Variants in CEP85L observed in about 807,000 individuals in gnomAD.
The protein encoded by CEP85L is centrosomal protein 85L, also known as centrosomal protein of 85 kDa-like.
CEP85L carries 60 observed loss-of-function variants against 100.3 expected under a neutral mutation model. The ratio of observed to expected loss-of-function variants is 0.60; its 90% confidence interval spans 0.49 to 0.74. The LOEUF (loss-of-function observed/expected upper bound fraction) is 0.74. Among genes scored for constraint, CEP85L ranks in the 30% least tolerant of loss-of-function variants. CEP85L has a pLI of 0.00. For synonymous variants in CEP85L, 319 were observed against 322.7 expected (o/e 0.99, Z 0.12); for missense variants, 973 against 936.2 (o/e 1.04, Z -0.51).
At chr6:118,481,261 T>C (rs1393833251) in intron 8 of CEP85L, among the ~76,000 whole-genome samples, 1 of 151,846 alleles carries the variant, frequency 6.6e-6, no homozygotes, top group African/African-American at 2.4e-5. Flanking sequence ...TATAAAGCCA[T>C]TAGGTAAAGG....
At position 118,469,072 on chromosome 6, in the gene CEP85L, A is replaced by T; in HGVS notation, c.2254T>A (p.Ser752Thr). ...TAAGGACAAGTCATCAGACACTTAC[A>T]TCTTATTCCCAGTAATAATGAAAGA... Reference protein sequence around the residue: ...PNLSLLLGIRSMNCSAEETEN... With the variant: ...PNLSLLLGIRTMNCSAEETEN... Residue 752 changes from serine to threonine, a missense_variant and splice_region_variant, in exon 12 of 13, where the codon TCA becomes ACA. Physicochemically the swap from Ser to Thr is moderately conservative, Grantham distance 58 (BLOSUM62 1). Coordinates refer to ENST00000368491, the MANE Select transcript of CEP85L (RefSeq NM_001042475.3). The T allele has an allele frequency of 6.3e-7, 1 of 1,599,338 alleles. No homozygotes were observed. The highest frequency in any genetic ancestry group is 1.7e-5 in the Admixed American group (1 of 59,928).
intron 1 of CEP85L, among the ~76,000 whole-genome samples, chr6:118,686,642 C>T (rs1437004345): frequency 6.6e-6 from 1 of 152,142 alleles, no homozygotes; most frequent in African/African-American, 2.4e-5. Flanking sequence ...GTTATTTCCA[C>T]CTTTTGGCTA....
At chr6:118,483,561 CT>C in intron 7 of CEP85L, 144 bp downstream of exon 7, 1 of 665,722 alleles carries the variant, frequency 1.5e-6, no homozygotes, top group Non-Finnish European at 2.5e-6. Flanking sequence ...CTTATGCATG[CT>C]TAGATAAACA....
chr6:118,570,128 A>C (rs1332450937), intron 2 of CEP85L, among the ~76,000 whole-genome samples: 2 of 152,210 alleles, frequency 1.3e-5, no homozygotes, highest in Non-Finnish European at 2.9e-5. Flanking sequence ...GATCCGAAAG[A>C]ATACACACAA....
intron 3 of CEP85L, chr6:118,565,228 G>T: frequency 2.1e-5 from 7 of 337,882 alleles, no homozygotes; most frequent in African/African-American, 4.3e-5. Flanking sequence ...TAGCTTTTTT[G>T]TTTCTGTTTC....
intron 5 of CEP85L, among the ~76,000 whole-genome samples, chr6:118,498,457 A>C (rs1775061164): frequency 6.6e-6 from 1 of 152,208 alleles, no homozygotes; most frequent in Admixed American, 6.5e-5. Context: ...AAACAGATTA[A>C]TCTACTATCG....
At chr6:118,517,369 C>T (rs1214694336) in intron 4 of CEP85L, among the ~76,000 whole-genome samples, 1 of 152,168 alleles carries the variant, frequency 6.6e-6, no homozygotes, top group Non-Finnish European at 1.5e-5. Context: ...TTATCCCTAT[C>T]CATGAGCATG....
chr6:118,535,352 C>T (rs978762635), intron 3 of CEP85L, among the ~76,000 whole-genome samples: 2 of 152,132 alleles, frequency 1.3e-5, no homozygotes, highest in African/African-American at 4.8e-5. Flanking sequence ...AGAATCAGAT[C>T]AGTGGTTGCC....
intron 2 of CEP85L, among the ~76,000 whole-genome samples, chr6:118,619,206 C>A (rs1773277180): frequency 6.6e-6 from 1 of 152,046 alleles, no homozygotes; most frequent in African/African-American, 2.4e-5. Flanking sequence ...TGAGATGTAT[C>A]CTGAATAACT....
chr6:118,506,314 C>G (rs1775654299), intron 5 of CEP85L, among the ~76,000 whole-genome samples: 2 of 152,098 alleles, frequency 1.3e-5, no homozygotes, highest in South Asian at 4.2e-4. Flanking sequence ...GCTGGCGGTA[C>G]TTTAATTAGA....
intron 1 of CEP85L, among the ~76,000 whole-genome samples, chr6:118,672,986 T>A (rs115823366): frequency 2.3e-3 from 354 of 152,250 alleles, no homozygotes; most frequent in African/African-American, 8.2e-3. Flanking sequence ...TGAGGTTCAC[T>A]GCAAGAATGA....
chr6:118,499,204 T>A (rs1353259571), intron 5 of CEP85L, among the ~76,000 whole-genome samples: 3 of 152,104 alleles, frequency 2.0e-5, no homozygotes, highest in Non-Finnish European at 4.4e-5. Flanking sequence ...TCAGAAAAAG[T>A]AGAGAATATC....
intron 2 of CEP85L, among the ~76,000 whole-genome samples, chr6:118,577,107 A>T (rs1021002340): frequency 6.6e-6 from 1 of 152,188 alleles, no homozygotes; most frequent in African/African-American, 2.4e-5. Context: ...CCTGAGGGCT[A>T]TCCAACCCCG....
In CEP85L at chr6:118,689,330, AT is replaced by A. The variant is rs1260015330; in HGVS notation, c.-28+20705del. Among the ~76,000 whole-genome samples the A allele has an allele frequency of 2.0e-5, 3 of 152,290 alleles. No homozygotes were observed. The East Asian group carries it at 5.8e-4, about 29-fold the overall frequency. ...GCTGCATGTAACTTCACATACAATAATTTTTATGGTTCTTATTTGGTAAGGA... is the reference window on the plus strand; with the variant it reads ...GCTGCATGTAACTTCACATACAATAATTTTATGGTTCTTATTTGGTAAGGA... On this transcript the variant is annotated intron_variant, in intron 1 of 13. Transcript: ENST00000368488.
At chr6:118,555,834 T>A (rs1348602519) in intron 3 of CEP85L, among the ~76,000 whole-genome samples, 1 of 150,204 alleles carries the variant, frequency 6.7e-6, no homozygotes, top group Middle Eastern at 3.2e-3. Context: ...CCAGCGTCTG[T>A]TGTTTCCTTC....
intron 10 of CEP85L, among the ~76,000 whole-genome samples, chr6:118,473,352 C>G (rs753034088): frequency 4.6e-5 from 7 of 152,044 alleles, no homozygotes; most frequent in Non-Finnish European, 1.0e-4. Flanking sequence ...AAGCAAGGGC[C>G]TGAAGGAAGT....
At chr6:118,708,637 G>C (rs531807665) in intron 1 of CEP85L, among the ~76,000 whole-genome samples, 2 of 152,314 alleles carry the variant, frequency 1.3e-5, no homozygotes, top group South Asian at 4.1e-4. Flanking sequence ...ACCTACTCTT[G>C]AAAGCTATGT....
intron 1 of CEP85L, among the ~76,000 whole-genome samples, chr6:118,640,353 G>A (rs1248662035): frequency 2.6e-5 from 4 of 152,184 alleles, no homozygotes; most frequent in Non-Finnish European, 5.9e-5. Flanking sequence ...TGTGCACTGT[G>A]AAACCAGGCT....
chr6:118,544,029 G>C (rs897753041), intron 3 of CEP85L, among the ~76,000 whole-genome samples: 3 of 152,180 alleles, frequency 2.0e-5, no homozygotes, highest in Non-Finnish European at 2.9e-5. Context: ...GAAAAGGTAT[G>C]AGCCTCCAAT....
Sources: allele counts gnomAD v4.1 joint callset (sites outside exome capture counted in the v4.1 genomes callset), GRCh38; gene constraint gnomAD v4.1.1; transcripts MANE v1.5; gene names NCBI Gene and HGNC (gene_info 2026-07-23, HGNC 2026-07-21).